CNGA1: variants seen among roughly 807,000 people sequenced by gnomAD.
CNGA1 encodes cyclic nucleotide-gated channel alpha-1.
A neutral mutation model predicts 69.7 loss-of-function variants in CNGA1; 53 were observed. The ratio of observed to expected loss-of-function variants is 0.76; its 90% CI spans 0.61 to 0.96. CNGA1 has a LOEUF of 0.96. CNGA1 is among the 40% of genes least tolerant of loss of function. The pLI, the probability that CNGA1 is intolerant of heterozygous loss-of-function variation, is 0.00. For synonymous variants in CNGA1, 249 were observed against 283.5 expected (o/e 0.88, Z 1.22); for missense variants, 739 against 811.2 (o/e 0.91, Z 1.08).
chr4:47,993,729 G>A (rs1190920730), intron 2 of CNGA1, among the ~76,000 whole-genome samples: 4 of 151,856 alleles, frequency 2.6e-5, no homozygotes, highest in Non-Finnish European at 5.9e-5. Context: ...CTGGTTTTGG[G>A]TTTGGTTTTT....
intron 2 of CNGA1, among the ~76,000 whole-genome samples, chr4:47,991,199 G>T (rs1742249630): frequency 6.6e-6 from 1 of 152,126 alleles, no homozygotes; most frequent in Non-Finnish European, 1.5e-5. Flanking sequence ...GGATCAAATG[G>T]CAGTTCTACT....
chr4:47,952,871 T>C (rs1739830089), intron 3 of CNGA1, 168 bp from the exon 4 acceptor site: 2 of 394,400 alleles, frequency 5.1e-6, no homozygotes, highest in Non-Finnish European at 8.7e-6. Flanking sequence ...TAGCTCCACA[T>C]GGCTAGGGGG....
intron 3 of CNGA1, 107 bp downstream of exon 3, chr4:47,981,286 C>T (rs573377203): frequency 7.2e-5 from 11 of 152,242 alleles, no homozygotes; most frequent in African/African-American, 2.4e-4. Context: ...CTAGAGAGCA[C>T]ATCACATGAA....
chr4:47,952,774 C>G (rs1206864146), intron 3 of CNGA1, 71 bp from the exon 4 acceptor site: 2 of 1,190,754 alleles, frequency 1.7e-6, no homozygotes, highest in East Asian at 2.7e-5. Flanking sequence ...AAAAGTTTCA[C>G]CCTATGTATT....
chr4:47,937,782 T>G lies in CNGA1; in HGVS notation c.700A>C (p.Asn234His). The G allele has an allele frequency of 6.2e-6, 10 of 1,613,476 alleles. No homozygotes were observed. Among genetic ancestry groups the G allele is most frequent in the Non-Finnish European group, 8.5e-6 (10 of 1,179,614 alleles). The change falls in exon 11 of 11, where the codon AAT becomes CAT. Residue 234 changes from asparagine to histidine, a missense_variant. Transcript: ENST00000514170. ...AATTGCAAGTTGGATTTATATTTAT[T>G]TATGAGTTTAAGTTCTTCCTTTACC... ...LLVKEELKLI[N>H]KYKSNLQFKL...
At chr4:47,953,068 C>T (rs1017035999) in intron 3 of CNGA1, among the ~76,000 whole-genome samples, 1 of 152,196 alleles carries the variant, frequency 6.6e-6, no homozygotes, top group African/African-American at 2.4e-5. Flanking sequence ...CACTGAGTTC[C>T]TCCCATGACA....
chr4:47,988,186 T>C (rs946094994), intron 2 of CNGA1, among the ~76,000 whole-genome samples: 6 of 152,118 alleles, frequency 3.9e-5, no homozygotes, highest in Non-Finnish European at 8.8e-5. Flanking sequence ...AGGATGACTG[T>C]AGATTTTCTT....
intron 2 of CNGA1, among the ~76,000 whole-genome samples, chr4:48,000,702 A>T (rs1380324970): frequency 7.1e-6 from 1 of 140,066 alleles, no homozygotes; most frequent in Non-Finnish European, 1.5e-5. Flanking sequence ...TTAAACAGCC[A>T]GAGGGAGAAA....
chr4:47,972,849 C>G (rs1393781500), intron 3 of CNGA1, among the ~76,000 whole-genome samples: 1 of 152,142 alleles, frequency 6.6e-6, no homozygotes, highest in Admixed American at 6.6e-5. Flanking sequence ...CTTTCTGAAG[C>G]ATAAAATCCT....
intron 2 of CNGA1, among the ~76,000 whole-genome samples, chr4:47,994,259 G>A (rs540671674): frequency 6.6e-6 from 1 of 152,180 alleles, no homozygotes; most frequent in East Asian, 1.9e-4. Context: ...GACCTGTCTA[G>A]TGCTGTCAGT....
intron 2 of CNGA1, among the ~76,000 whole-genome samples, chr4:47,984,331 C>G (rs1310159966): frequency 6.6e-6 from 1 of 151,962 alleles, no homozygotes; most frequent in Non-Finnish European, 1.5e-5. Flanking sequence ...ATTCTTGTCC[C>G]TTGAGGCCCG....
chr4:47,952,558 T>A, intron 4 of CNGA1, 25 bp downstream of exon 4: 1 of 1,610,686 alleles, frequency 6.2e-7, no homozygotes, highest in Non-Finnish European at 8.5e-7. Flanking sequence ...ATAATAAAAA[T>A]GCATGGGAAA....
rs1308123462 is a variant in CNGA1 at position 47,982,345 on chromosome 4, T to C, written c.-122-845A>G. ...ACAATGAACAACCGAGTAACACTTA[T>C]TGCCTCAGTTGAATGGTTTCAGCTC... On this transcript the variant is annotated intron_variant, in intron 2 of 10. Transcript: ENST00000514170. 6.6e-5 allele frequency among the ~76,000 whole-genome samples: 10 copies of C among 152,214 alleles called. No homozygotes were observed. In the East Asian group the frequency reaches 1.3e-3, roughly 20 times the overall value.
intron 3 of CNGA1, among the ~76,000 whole-genome samples, chr4:47,954,681 A>G (rs1445764421): frequency 2.0e-5 from 3 of 152,202 alleles, no homozygotes; most frequent in Non-Finnish European, 4.4e-5. Context: ...TTGATCACCT[A>G]GGCGTGGAGT....
chr4:47,998,958 A>G (rs904741531), intron 2 of CNGA1, among the ~76,000 whole-genome samples: 2 of 152,204 alleles, frequency 1.3e-5, no homozygotes, highest in African/African-American at 2.4e-5. Context: ...AATTCCAAAA[A>G]TAAACAATTC....
intron 3 of CNGA1, among the ~76,000 whole-genome samples, chr4:47,962,734 A>C (rs1740520073): frequency 6.6e-6 from 1 of 152,118 alleles, no homozygotes; most frequent in African/African-American, 2.4e-5. Context: ...TTTCCCCCAA[A>C]TTTTTGCACT....
chr4:47,961,535 G>A (rs1403342282), intron 3 of CNGA1, among the ~76,000 whole-genome samples: 1 of 152,168 alleles, frequency 6.6e-6, no homozygotes, highest in Non-Finnish European at 1.5e-5. Context: ...TTGAGGTCAA[G>A]AGTTCCAGAC....
intron 2 of CNGA1, among the ~76,000 whole-genome samples, chr4:47,989,464 C>T (rs1742139440): frequency 6.6e-6 from 1 of 152,056 alleles, no homozygotes; most frequent in Non-Finnish European, 1.5e-5. Flanking sequence ...TACCAGGGTA[C>T]CATCATTCTA....
At position 48,016,674 on chromosome 4, in the gene CNGA1, C is replaced by T. The variant is rs922551595; in HGVS notation, c.-414G>A. The T allele has an allele frequency of 5.0e-6, 3 of 604,982 alleles. No individual in the cohort carries two copies. The highest frequency in any genetic ancestry group is 2.0e-5 in the African/African-American group (1 of 50,272). 37.5% of individuals were successfully genotyped at this position (604,982 alleles called of 1,614,324 possible). A position where few individuals can be genotyped will look rare whatever the true frequency, so the allele number is the denominator to read the frequency against. On this transcript the variant is annotated 5_prime_UTR_variant, in exon 1 of 11. Coordinates refer to ENST00000514170, the MANE Select transcript of CNGA1 (RefSeq NM_001379270.1). The stretch of plus-strand genomic sequence containing the variant: ...ACAAGCCCCGGGCAGCAGGGCTCGG[C>T]TGGCGCTGAGGCCCCGCCTGGCCAT...
Sources: gnomAD v4.1 joint callset for allele counts (sites outside exome capture counted in the v4.1 genomes callset) on GRCh38, gnomAD v4.1.1 for gene constraint, MANE v1.5 for transcripts, NCBI Gene and HGNC (gene_info 2026-07-23, HGNC 2026-07-21) for gene names.